The following CEP350 variants were observed in gnomAD, a reference collection of about 807,000 sequenced individuals.
CEP350 encodes the protein centrosome-associated protein 350.
CEP350 carries 126 observed loss-of-function variants against 331.8 expected under a neutral mutation model. The ratio of observed to expected loss-of-function variants is 0.38; its 90% CI spans 0.33 to 0.44. CEP350 has a LOEUF of 0.44. Ranked by LOEUF, CEP350 falls within the 20% of genes least tolerant of loss-of-function variation. The probability of loss-of-function intolerance (pLI) is 1.00; values close to 1 mark genes in which losing one functional copy is unlikely to be tolerated. For synonymous variants in CEP350, 1,200 were observed against 1,259.5 expected, an observed-to-expected ratio of 0.95 and a Z score of 1.00; for missense variants, 3,406 against 3,634.6, an observed-to-expected ratio of 0.94 and a Z score of 1.62.
At chr1:180,062,070 A>C (rs1658261122) in intron 25 of CEP350, 150 bp from the exon 26 acceptor site, 1 of 581,456 alleles carries the variant, frequency 1.7e-6, no homozygotes, top group Non-Finnish European at 2.5e-6. Context: ...TTCCTCCCTC[A>C]CTATTTTTTA....
intron 22 of CEP350, among the ~76,000 whole-genome samples, chr1:180,049,746 G>T (rs1657364585): frequency 6.6e-6 from 1 of 152,108 alleles, no homozygotes; most frequent in Non-Finnish European, 1.5e-5. Flanking sequence ...GTTTCACCGT[G>T]TTGGTCAGGC....
chr1:180,034,192 G>A, intron 16 of CEP350, 110 bp downstream of exon 16: 1 of 1,260,994 alleles, frequency 7.9e-7, no homozygotes, highest in Non-Finnish European at 1.1e-6. Flanking sequence ...TATTTCAAGT[G>A]AATATGATTA....
chr1:180,092,997 C>G lies in CEP350; in HGVS notation c.6892C>G (p.Leu2298Val). 3 of 1,603,234 alleles carry G rather than the reference C, an allele frequency of 1.9e-6. No homozygotes were observed. The African/African-American group carries it at 4.0e-5, about 21-fold the overall frequency. The change falls in exon 34 of 38, where the codon CTT (leucine) becomes GTT (valine). Residue 2298 changes from leucine (L) to valine (V), a missense_variant. By Grantham distance (32) the Leu-to-Val change is conservative. Around this residue, in one of 5 missense-constraint regions of CEP350, gnomAD observed 1,415 missense variants for 1,512.3 expected, o/e 0.94. Transcript: ENST00000367607. ...VLEQGDSSEILSKKDLPLDSE... is the reference protein window; with the variant it reads ...VLEQGDSSEIVSKKDLPLDSE... ...AGAACAGGGAGATTCATCTGAAATT[C>G]TTTCAAAGAAAGATCTTCCTTTAGA...
intron 1 of CEP350, among the ~76,000 whole-genome samples, chr1:179,975,319 G>A (rs912183606): frequency 6.6e-6 from 1 of 152,158 alleles, no homozygotes; most frequent in Non-Finnish European, 1.5e-5. Context: ...ATCATGCTAA[G>A]GAGTTTGGAG....
chr1:179,994,456 CTTT>C (rs532002663), intron 5 of CEP350, among the ~76,000 whole-genome samples: 4 of 135,990 alleles, frequency 2.9e-5, no homozygotes, highest in African/African-American at 5.5e-5. Context: ...TTCTTTCTTT[CTTT>C]TTTTTTTTTT....
chr1:180,090,945 TA>T (rs1660158132), intron 33 of CEP350, 149 bp downstream of exon 33: 3 of 710,184 alleles, frequency 4.2e-6, no homozygotes, highest in Non-Finnish European at 6.2e-6. Context: ...TTTTATATTT[TA>T]AAGTGATTTA....
chr1:180,005,770 C>T (rs865795587), intron 7 of CEP350, among the ~76,000 whole-genome samples: 3 of 152,246 alleles, frequency 2.0e-5, no homozygotes, highest in Middle Eastern at 3.4e-3. Context: ...TCAGTCCACT[C>T]ACACTGACCT....
At chr1:180,060,447 A>G (rs1044273359) in intron 25 of CEP350, among the ~76,000 whole-genome samples, 1 of 152,148 alleles carries the variant, frequency 6.6e-6, no homozygotes, top group African/African-American at 2.4e-5. Context: ...GGAGTTTGAG[A>G]CCACTCTAGG....
At chr1:180,039,361 A>G (rs573900281) in intron 17 of CEP350, among the ~76,000 whole-genome samples, 1 of 152,150 alleles carries the variant, frequency 6.6e-6, no homozygotes, top group South Asian at 2.1e-4. Flanking sequence ...AGATACTAAG[A>G]TATCTTAACA....
At chr1:180,077,329 A>T (rs1659283494) in intron 28 of CEP350, among the ~76,000 whole-genome samples, 2 of 152,134 alleles carry the variant, frequency 1.3e-5, no homozygotes. Context: ...TTTAACAAAA[A>T]GTGTACAAGA....
At chr1:180,068,966 T>C (rs1658718214) in intron 27 of CEP350, among the ~76,000 whole-genome samples, 1 of 152,216 alleles carries the variant, frequency 6.6e-6, no homozygotes, top group Non-Finnish European at 1.5e-5. Context: ...GAGTGTACTT[T>C]TTTAAGAGTC....
At chr1:180,058,640 A>G (rs1658006856) in intron 25 of CEP350, among the ~76,000 whole-genome samples, 1 of 152,204 alleles carries the variant, frequency 6.6e-6, no homozygotes, top group African/African-American at 2.4e-5. Context: ...TTTGAAACAA[A>G]TGTGCAAACT....
intron 7 of CEP350, among the ~76,000 whole-genome samples, chr1:180,005,426 T>C (rs1255747204): frequency 6.6e-6 from 1 of 152,118 alleles, no homozygotes; most frequent in Non-Finnish European, 1.5e-5. Flanking sequence ...ATATTTTGTA[T>C]GTAATATTGT....
chr1:180,062,063 C>G (rs1658260560), intron 25 of CEP350, among the ~76,000 whole-genome samples, 157 bp from the exon 26 acceptor site: 1 of 151,526 alleles, frequency 6.6e-6, no homozygotes, highest in African/African-American at 2.4e-5. Flanking sequence ...GATTTATTTC[C>G]TCCCTCACTA....
At chr1:180,091,078 T>A (rs945337875) in intron 33 of CEP350, among the ~76,000 whole-genome samples, 5 of 151,778 alleles carry the variant, frequency 3.3e-5, no homozygotes, top group Non-Finnish European at 7.4e-5. Context: ...GATCATAGCT[T>A]ACTACTGCAG....
intron 18 of CEP350, 41 bp downstream of exon 18, chr1:180,041,289 A>G (rs752242544): frequency 7.2e-7 from 1 of 1,383,100 alleles, no homozygotes. Context: ...TTAAACCTAA[A>G]TTTGTATCTT....
At position 179,996,831 on chromosome 1, in the gene CEP350, T is replaced by C. The variant is rs752255820; in HGVS notation, c.674T>C (p.Met225Thr). ...MGASMRTEEE[M>T]PNRTKGSENN... The stretch of plus-strand genomic sequence containing the variant: ...GCTTCTATGAGAACTGAGGAAGAAA[T>C]GCCTAACAGAACAAAAGGAAGTGAG... Residue 225 changes from methionine to threonine, a missense_variant, in exon 6 of 38, where the codon ATG becomes ACG. This residue lies in a region of CEP350 where 1,857 missense variants were observed against 1,909.2 expected (regional missense o/e 0.97). Transcript: ENST00000367607. 4.3e-6 allele frequency: 7 copies of C among 1,613,760 alleles called. No homozygotes were observed. In the South Asian group the frequency reaches 4.4e-5, roughly 10 times the overall value.
At position 180,019,002 on chromosome 1, in the gene CEP350, C is replaced by T. The variant is rs1241235018; in HGVS notation, c.2175-947C>T. On this transcript the variant is annotated intron_variant, in intron 11 of 37. Coordinates refer to ENST00000367607, the MANE Select transcript of CEP350 (RefSeq NM_014810.5). ...TCCCAAGTAGCTGGGACTACAGGCA[C>T]ATGCCACCATGCCCACCTAATTTTT... Among the ~76,000 whole-genome samples, 7 of 152,088 alleles carry T rather than the reference C, an allele frequency of 4.6e-5. 1 individual carries two copies. The highest frequency in any genetic ancestry group is 1.2e-4 in the African/African-American group (5 of 41,422).
Position 180,053,067 on chromosome 1 carries a change from A to G in CEP350, c.4890A>G (p.Ser1630=). ...EEQSFRSLLP[S]ESHRRFNMEK... ...AATCATTTCGATCATTACTACCTTC[A>G]GAGAGTCACCGCAGATTTAACATGG... The change falls in exon 23 of 38, where the codon TCA becomes TCG. Residue 1630 remains serine, a synonymous_variant. Coordinates refer to ENST00000367607, the MANE Select transcript of CEP350 (RefSeq NM_014810.5). 2 of 1,587,156 alleles carry G rather than the reference A, an allele frequency of 1.3e-6. No individual in the cohort carries two copies. The highest frequency in any genetic ancestry group is 1.3e-5 in the African/African-American group (1 of 74,400).
Sources: gnomAD v4.1 joint callset for allele counts (sites outside exome capture counted in the v4.1 genomes callset) on GRCh38, gnomAD v4.1.1 for gene constraint, gnomAD v4.1.1 regional missense constraint, MANE v1.5 for transcripts, NCBI Gene and HGNC (gene_info 2026-07-23, HGNC 2026-07-21) for gene names.